Variants in LPIN3 observed in about 807,000 individuals in gnomAD.
LPIN3 encodes lipin 3.
In LPIN3, 82 loss-of-function variants were observed where a neutral mutation model predicts 94.7. The ratio of observed to expected loss-of-function variants is 0.87; its 90% CI spans 0.72 to 1.04. The LOEUF is 1.04. Ranked by LOEUF, LPIN3 falls within the 50% of genes least tolerant of loss-of-function variation. LPIN3 has a pLI of 0.00. For missense variants in LPIN3, 996 were observed against 1,090.5 expected (o/e 0.91, Z 1.22); for synonymous variants, 418 against 443.3 (o/e 0.94, Z 0.72).
intron 12 of LPIN3, 35 bp downstream of exon 12, chr20:41,354,772 C>T (rs1186675961): frequency 6.2e-7 from 1 of 1,611,450 alleles, no homozygotes; most frequent in Non-Finnish European, 8.5e-7. Flanking sequence ...GGGCCAGGGC[C>T]AGCACAGGGC....
Position 41,357,423 on chromosome 20 carries a change from C to T in LPIN3, c.2015C>T (p.Thr672Ile). ...AAAGACTGGACACACCAGGGCATCA[C>T]CAGTCTCTATCACAAAATCCAACTG... The part of the protein sequence containing the change: ...LGKDWTHQGI[T>I]SLYHKIQLNG... Residue 672 changes from threonine to isoleucine, a missense_variant, in exon 16 of 20, where the codon ACC (threonine) becomes ATC (isoleucine). Transcript: ENST00000373257. 1 of 1,613,810 alleles carries T rather than the reference C, an allele frequency of 6.2e-7. No individual in the cohort carries two copies. The highest frequency in any genetic ancestry group is 8.5e-7 in the Non-Finnish European group (1 of 1,179,938).
At chr20:41,357,507 A>C in intron 16 of LPIN3, 60 bp downstream of exon 16, 2 of 1,420,528 alleles carry the variant, frequency 1.4e-6, no homozygotes, top group Non-Finnish European at 2.0e-6. Flanking sequence ...AGAGGGAGTG[A>C]CAGGACAGGA....
At chr20:41,347,211 C>G (rs2045811979) in intron 2 of LPIN3, among the ~76,000 whole-genome samples, 2 of 152,202 alleles carry the variant, frequency 1.3e-5, no homozygotes, top group African/African-American at 4.8e-5. Flanking sequence ...AGACCACGTC[C>G]CTATTCTTAT....
chr20:41,354,151 C>T (rs2046124348), intron 11 of LPIN3, among the ~76,000 whole-genome samples: 1 of 152,126 alleles, frequency 6.6e-6, no homozygotes, highest in South Asian at 2.1e-4. Flanking sequence ...GTCAACTTGC[C>T]CCCAACCAGA....
In LPIN3 at chr20:41,349,058, G is replaced by T. The variant is rs559963375; in HGVS notation, c.558-34G>T. The stretch of plus-strand genomic sequence containing the variant: ...CATGCCTGCCTGGGGCATCCTGCCT[G>T]ATCAGTGACCATTTCCTTGTGGCCC... On this transcript the variant is annotated intron_variant, in intron 4 of 19. Coordinates refer to ENST00000373257, the MANE Select transcript of LPIN3 (RefSeq NM_022896.3). 7 of 1,612,792 alleles carry T rather than the reference G, an allele frequency of 4.3e-6. No individual in the cohort carries two copies. In the East Asian group the frequency reaches 1.3e-4, roughly 31 times the overall value.
chr20:41,345,807 A>G lies in LPIN3; in HGVS notation c.4A>G (p.Asn2Asp). M[N>D]YVGQLAETVF... is the part of the protein sequence containing the mutation. ...CCTTTCTTTGCCAGCACCAGCCATG[A>G]ACTACGTGGGGCAGCTGGCGGAGAC... Residue 2 changes from asparagine (N) to aspartate (D), a missense_variant, in exon 2 of 20, where the codon AAC becomes GAC. Asn to Asp is a conservative substitution (Grantham distance 23, BLOSUM62 1). Transcript: ENST00000373257. The G allele has an allele frequency of 1.2e-6, 2 of 1,610,234 alleles. No homozygotes were observed. The highest frequency in any genetic ancestry group is 8.5e-7 in the Non-Finnish European group (1 of 1,177,080).
rs774756851 is a variant in LPIN3 at position 41,345,802 on chromosome 20, C to T, written c.-2C>T. On this transcript the variant is annotated 5_prime_UTR_variant, in exon 2 of 20. Coordinates refer to ENST00000373257, the MANE Select transcript of LPIN3 (RefSeq NM_022896.3). ...CACTGCCTTTCTTTGCCAGCACCAG[C>T]CATGAACTACGTGGGGCAGCTGGCG... The T allele has an allele frequency of 3.7e-6, 6 of 1,609,260 alleles. No homozygotes were observed. In the South Asian group the frequency reaches 5.5e-5, roughly 15 times the overall value.
Position 41,349,124 on chromosome 20 carries a change from C to A in LPIN3, c.590C>A (p.Pro197His), listed in dbSNP as rs2045903089. Residue 197 changes from proline (P) to histidine (H), a missense_variant, in exon 5 of 20, where the codon CCC becomes CAC. Physicochemically the swap from Pro to His is moderately conservative, Grantham distance 77. Coordinates refer to ENST00000373257, the MANE Select transcript of LPIN3 (RefSeq NM_022896.3). ...TTGGAAGAGAAGTCTTCACTGCAGC[C>A]CAAAGACATCTACCCCTACTCGGAT... ...VQLEEKSSLQ[P>H]KDIYPYSDGE... 1 of 1,614,094 alleles carries A rather than the reference C, an allele frequency of 6.2e-7. No individual in the cohort carries two copies. Among genetic ancestry groups the A allele is most frequent in the Non-Finnish European group, 8.5e-7 (1 of 1,180,046 alleles).
rs1600751275 is a variant in LPIN3 at position 41,359,964 on chromosome 20, T to C, written c.*1098T>C. ...CCACTGTCTTTGAAGAAAGTAGCTT[T>C]AGACCGGCTAAAAGCTTTAATCCAG... On this transcript the variant is annotated 3_prime_UTR_variant, in exon 20 of 20. Transcript: ENST00000373257. 1 of 152,714 alleles carries C rather than the reference T, an allele frequency of 6.5e-6. No homozygotes were observed. Among genetic ancestry groups the C allele is most frequent in the East Asian group, 1.9e-4 (1 of 5,184 alleles). The allele number at this position is 152,714 out of a possible 1,614,324, so 9.5% of individuals were successfully genotyped here. A position where few individuals can be genotyped will look rare whatever the true frequency, so the allele number is the denominator to read the frequency against.
chr20:41,352,483 C>CA, intron 9 of LPIN3, 123 bp from the exon 10 acceptor site: 1 of 887,632 alleles, frequency 1.1e-6, no homozygotes, highest in Non-Finnish European at 1.8e-6. Context: ...TAGGGAGGAG[C>CA]ACTGCCAGGT....
Position 41,357,066 on chromosome 20 carries a change from C to T in LPIN3, c.1830C>T (p.Ala610=). 6.2e-7 allele frequency: 1 copy of T among 1,613,872 alleles called. No homozygotes were observed. Among genetic ancestry groups the T allele is most frequent in the Non-Finnish European group, 8.5e-7 (1 of 1,179,824 alleles). ...GGCGCCTGAACCTGCAAGAAGGTGC[C>T]AATGATGTGGTCTTCAGCGTGACCA... ...QIRRLNLQEG[A]NDVVFSVTTQ... The change falls in exon 15 of 20, where the codon GCC becomes GCT. Residue 610 remains alanine (A), a synonymous_variant. Transcript: ENST00000373257.
chr20:41,357,265 G>A (rs933908567), intron 15 of LPIN3, 77 bp downstream of exon 15: 26 of 1,603,994 alleles, frequency 1.6e-5, no homozygotes, highest in Non-Finnish European at 1.9e-5. Context: ...GTGTGGTGGG[G>A]AGTGAGAGGA....
intron 14 of LPIN3, among the ~76,000 whole-genome samples, chr20:41,356,588 G>A (rs1431904160): frequency 6.6e-6 from 1 of 152,176 alleles, no homozygotes; most frequent in East Asian, 1.9e-4. Flanking sequence ...CTTCCCTATG[G>A]ATCAAGTACA....
Position 41,359,118 on chromosome 20 carries a change from G to T in LPIN3, c.*252G>T, listed in dbSNP as rs988211388. 4 of 285,884 alleles carry T rather than the reference G, an allele frequency of 1.4e-5. No homozygotes were observed. The highest frequency in any genetic ancestry group is 1.3e-5 in the Non-Finnish European group (2 of 156,838). 17.7% of individuals were successfully genotyped at this position (285,884 alleles called of 1,614,324 possible). ...TTAGCTTGTCATCTGGGCCCTTGCA[G>T]GGTTCTTTTTTTTTTTTTTTTTTTT... On this transcript the variant is annotated 3_prime_UTR_variant, in exon 20 of 20. Transcript: ENST00000373257.
chr20:41,353,568 A>C (rs1440371286), intron 11 of LPIN3, among the ~76,000 whole-genome samples: 3 of 152,204 alleles, frequency 2.0e-5, no homozygotes, highest in African/African-American at 7.2e-5. Context: ...GGGGAACAGC[A>C]TGTATGATGC....
Position 41,357,068 on chromosome 20 carries a change from A to G in LPIN3, c.1832A>G (p.Asn611Ser), listed in dbSNP as rs775615218. ...CGCCTGAACCTGCAAGAAGGTGCCA[A>G]TGATGTGGTCTTCAGCGTGACCACT... ...IRRLNLQEGANDVVFSVTTQY... is the reference protein window; with the variant it reads ...IRRLNLQEGASDVVFSVTTQY... The change falls in exon 15 of 20, where the codon AAT (asparagine) becomes AGT (serine). Residue 611 changes from asparagine (N) to serine (S), a missense_variant. By Grantham distance (46) the Asn-to-Ser change is conservative. Transcript: ENST00000373257. The G allele has an allele frequency of 3.5e-5, 57 of 1,613,902 alleles. No individual in the cohort carries two copies. The highest frequency in any genetic ancestry group is 5.3e-5 in the African/African-American group (4 of 75,052).
chr20:41,357,019 C>A, intron 14 of LPIN3, 21 bp from the exon 15 acceptor site: 3 of 1,604,728 alleles, frequency 1.9e-6, no homozygotes, highest in Non-Finnish European at 2.6e-6. Context: ...TCACGACACA[C>A]CCCCCTTTGT....
At chr20:41,350,820 G>A (rs753190258) in intron 7 of LPIN3, among the ~76,000 whole-genome samples, 2 of 152,174 alleles carry the variant, frequency 1.3e-5, no homozygotes, top group Non-Finnish European at 1.5e-5. Context: ...GAAGACGGCC[G>A]GGATAGGAAG....
In LPIN3 at chr20:41,357,415, G is replaced by C. The variant is rs774672133; in HGVS notation, c.2007G>C (p.Gln669His). 10 of 1,613,946 alleles carry C rather than the reference G, an allele frequency of 6.2e-6. No homozygotes were observed. The East Asian group carries it at 8.9e-5, about 14-fold the overall frequency. Residue 669 changes from glutamine to histidine, a missense_variant, in exon 16 of 20, where the codon CAG (glutamine) becomes CAC (histidine). Coordinates refer to ENST00000373257, the MANE Select transcript of LPIN3 (RefSeq NM_022896.3). The part of the protein sequence containing the change: ...LPQLGKDWTH[Q>H]GITSLYHKIQ... ...AGCTGGGGAAAGACTGGACACACCA[G>C]GGCATCACCAGTCTCTATCACAAAA... is the stretch of plus-strand genomic sequence containing the variant.
Sources: allele counts gnomAD v4.1 joint callset (sites outside exome capture counted in the v4.1 genomes callset), GRCh38; gene constraint gnomAD v4.1.1; transcripts MANE v1.5; gene names NCBI Gene and HGNC (gene_info 2026-07-23, HGNC 2026-07-21).